BRD1: variants seen among roughly 807,000 people sequenced by gnomAD.
The protein encoded by BRD1 is bromodomain containing 1.
In BRD1, 24 loss-of-function variants were observed where a neutral mutation model predicts 107.7. That is an observed-to-expected ratio of 0.22 (90% confidence interval 0.16 to 0.31). The LOEUF (loss-of-function observed/expected upper bound fraction) is 0.31, where lower values mean the gene tolerates loss of function less well. Ranked by LOEUF, BRD1 falls within the 10% of genes least tolerant of loss-of-function variation. The probability of loss-of-function intolerance (pLI) is 1.00; values close to 1 mark genes in which losing one functional copy is unlikely to be tolerated. For synonymous variants in BRD1, 744 were observed against 686.1 expected, an observed-to-expected ratio of 1.08 and a Z score of -1.32; for missense variants, 1,279 against 1,638.6, an observed-to-expected ratio of 0.78 and a Z score of 3.79.
chr22:49,797,522 G>A (rs891556108), intron 6 of BRD1, among the ~76,000 whole-genome samples: 2 of 152,262 alleles, frequency 1.3e-5, no homozygotes, highest in Admixed American at 1.3e-4. Context: ...CACATCAGAT[G>A]GCAAAGAAGG....
At chr22:49,793,920 C>T in intron 7 of BRD1, 114 bp downstream of exon 7, 2 of 1,423,742 alleles carry the variant, frequency 1.4e-6, no homozygotes, top group Non-Finnish European at 1.9e-6. Flanking sequence ...CTGGCGCTAA[C>T]CTGAGCCTCC....
In BRD1 at chr22:49,792,054, C is replaced by G. The variant is rs1475297332; in HGVS notation, c.2359+1980G>C. Among the ~76,000 whole-genome samples, 1 of 152,170 alleles carries G rather than the reference C, an allele frequency of 6.6e-6. No homozygotes were observed. The highest frequency in any genetic ancestry group is 1.5e-5 in the Non-Finnish European group (1 of 68,042). ...TTATGAGGAGCCACGCTCACCACAG[C>G]GGAGGGCCAAGCAGCTCCAACCATG... On this transcript the variant is annotated intron_variant, in intron 7 of 12. Coordinates refer to ENST00000404760, the MANE Select transcript of BRD1 (RefSeq NM_001304808.3). The surrounding 1 kb of genome is among the most constrained non-coding windows in gnomAD (Gnocchi z 4.2).
intron 8 of BRD1, among the ~76,000 whole-genome samples, chr22:49,780,845 T>A (rs774305942): frequency 2.0e-5 from 3 of 152,198 alleles, no homozygotes; most frequent in Non-Finnish European, 2.9e-5. Context: ...CAGGCCAGCC[T>A]TGAGGTGGGG....
intron 2 of BRD1, among the ~76,000 whole-genome samples, chr22:49,822,731 C>G (rs1399848792): frequency 6.6e-6 from 1 of 151,912 alleles, no homozygotes; most frequent in East Asian, 1.9e-4. Context: ...ACATAGAAAA[C>G]TACAGATTAT....
intron 1 of BRD1, 126 bp downstream of exon 1, chr22:49,827,371 C>CCGCCGT (rs986757634): frequency 6.5e-6 from 1 of 154,294 alleles, no homozygotes; most frequent in African/African-American, 2.4e-5. Flanking sequence ...GCCGCCGCCG[C>CCGCCGT]CGCCGCCGCC....
chr22:49,776,267 G>T, intron 10 of BRD1, 108 bp from the exon 11 acceptor site: 1 of 946,272 alleles, frequency 1.1e-6, no homozygotes, highest in Non-Finnish European at 1.6e-6. Context: ...GCACAGCCCA[G>T]CTCCCAGGCC....
intron 8 of BRD1, 90 bp downstream of exon 8, chr22:49,787,300 C>CA (rs2059345459): frequency 8.3e-5 from 13 of 157,366 alleles, no homozygotes; most frequent in South Asian, 3.6e-4. Context: ...AAGCTGGACA[C>CA]CCCCCCCCCC....
chr22:49,826,981 G>A (rs946198839), intron 1 of BRD1, among the ~76,000 whole-genome samples: 1 of 152,170 alleles, frequency 6.6e-6, no homozygotes, highest in African/African-American at 2.4e-5. Context: ...GGGAGGCCGC[G>A]GTGCCGGTTC....
At chr22:49,796,339 C>A (rs1355320611) in intron 6 of BRD1, among the ~76,000 whole-genome samples, 1 of 151,138 alleles carries the variant, frequency 6.6e-6, no homozygotes, top group Non-Finnish European at 1.5e-5. Context: ...CGTGATCCAC[C>A]CGCCTCGGCC....
rs971975271 is a variant in BRD1 at position 49,773,670 on chromosome 22, A to G, written c.*563T>C. On this transcript the variant is annotated 3_prime_UTR_variant, in exon 13 of 13. Coordinates refer to ENST00000404760, the MANE Select transcript of BRD1 (RefSeq NM_001304808.3). ...CAAATGAATACACTTTCTACAATAA[A>G]TAATCCGCTGGGAGGCACACCTGCG... is the stretch of plus-strand genomic sequence containing the variant. The G allele has an allele frequency of 1.3e-5, 2 of 152,666 alleles. No individual in the cohort carries two copies. Among genetic ancestry groups the G allele is most frequent in the Non-Finnish European group, 2.9e-5 (2 of 68,060 alleles). The allele number at this position is 152,666 out of a possible 1,614,324, so 9.5% of individuals were successfully genotyped here.
intron 8 of BRD1, among the ~76,000 whole-genome samples, chr22:49,778,623 C>CT (rs778770396): frequency 5.3e-5 from 8 of 152,216 alleles, no homozygotes; most frequent in Non-Finnish European, 1.0e-4. Context: ...GATGTTCCTG[C>CT]TGGGGGCCCT....
At chr22:49,818,131 T>C (rs2059989989) in intron 2 of BRD1, 1 of 801,908 alleles carries the variant, frequency 1.2e-6, no homozygotes. Flanking sequence ...ATGACACCAG[T>C]GAAGGCGGGA....
intron 2 of BRD1, among the ~76,000 whole-genome samples, chr22:49,809,988 C>A (rs1011511369): frequency 2.0e-5 from 3 of 152,134 alleles, no homozygotes; most frequent in Non-Finnish European, 4.4e-5. Context: ...CACAGATGGA[C>A]TATTTATAAA....
intron 11 of BRD1, 84 bp downstream of exon 11, chr22:49,775,966 G>GCCGTGAGCCTCCTCGGACCACCC: frequency 5.4e-6 from 5 of 928,478 alleles, no homozygotes; most frequent in Non-Finnish European, 7.1e-6. Context: ...TTGGACCACC[G>GCCGTGAGCCTCCTCGGACCACCC]CCGTGAGCCT....
chr22:49,821,930 T>C (rs892215533), intron 2 of BRD1, among the ~76,000 whole-genome samples: 1 of 152,188 alleles, frequency 6.6e-6, no homozygotes, highest in African/African-American at 2.4e-5. Context: ...GCTCCTCCCC[T>C]TGTTTGGCCA....
rs972752781 is a variant in BRD1 at position 49,809,567 on chromosome 22, A to ATG, written c.1368-5209_1368-5208dup. On this transcript the variant is annotated intron_variant, in intron 2 of 12. Coordinates refer to ENST00000404760, the MANE Select transcript of BRD1 (RefSeq NM_001304808.3). ...AAAAAAAATATATATATATATATAT[A>ATG]TGTAATTCCAGTTTTAAAATACCAC... 1.3e-4 allele frequency among the ~76,000 whole-genome samples: 20 copies of ATG among 151,730 alleles called. No individual in the cohort carries two copies. The East Asian group carries it at 3.5e-3, about 26-fold the overall frequency.
intron 2 of BRD1, among the ~76,000 whole-genome samples, chr22:49,814,973 G>A (rs11704368): frequency 0.052 from 7,979 of 152,280 alleles, 285 homozygotes; most frequent in Non-Finnish European, 0.075. Flanking sequence ...CTAGAGGAAC[G>A]TTGCCCCACA....
Position 49,775,581 on chromosome 22 carries a change from C to T in BRD1, c.3386+10G>A. 1 of 1,598,316 alleles carries T rather than the reference C, an allele frequency of 6.3e-7. No homozygotes were observed. The highest frequency in any genetic ancestry group is 8.5e-7 in the Non-Finnish European group (1 of 1,172,570). ...AGCCGGTCCCCGGAGTCTAAGGCCTCTCAACTCACCAACTTCTCTTATTAT... is the reference window on the plus strand; with the variant it reads ...AGCCGGTCCCCGGAGTCTAAGGCCTTTCAACTCACCAACTTCTCTTATTAT... On this transcript the variant is annotated intron_variant, in intron 12 of 12. Transcript: ENST00000404760.
chr22:49,819,251 C>A (rs2060016548), intron 2 of BRD1, among the ~76,000 whole-genome samples: 1 of 151,608 alleles, frequency 6.6e-6, no homozygotes, highest in Non-Finnish European at 1.5e-5. Context: ...CAGAGCGAGG[C>A]TTCATCTCAG....
Sources: allele counts gnomAD v4.1 joint callset (sites outside exome capture counted in the v4.1 genomes callset), GRCh38; gene constraint gnomAD v4.1.1; non-coding constraint Gnocchi (gnomAD v3.1); transcripts MANE v1.5; gene names NCBI Gene and HGNC (gene_info 2026-07-23, HGNC 2026-07-21).